The following LRP5 variants were observed in gnomAD, a reference collection of about 807,000 sequenced individuals.
The protein encoded by LRP5 is low-density lipoprotein receptor-related protein 5.
Under a neutral mutation model 154.1 loss-of-function variants are expected in LRP5, and 62 were observed. The observed-to-expected ratio is 0.40, with a 90% CI of 0.33 to 0.50. LRP5 has a LOEUF of 0.50. LRP5 is among the 20% of genes least tolerant of loss of function. The pLI, the probability that LRP5 is intolerant of heterozygous loss-of-function variation, is 0.55. For synonymous variants in LRP5, 966 were observed against 1,011.5 expected (o/e 0.96, Z 0.85); for missense variants, 1,915 against 2,336.7 (o/e 0.82, Z 3.72).
At chr11:68,339,797 G>A (rs927037445) in intron 1 of LRP5, among the ~76,000 whole-genome samples, 20 of 152,160 alleles carry the variant, frequency 1.3e-4, no homozygotes, top group Admixed American at 2.6e-4. Context: ...GTTAACATGC[G>A]TGTACCTGTA....
Position 68,348,028 on chromosome 11 carries a change from C to A in LRP5, c.273C>A (p.Tyr91Ter). The change falls in exon 2 of 23, where the codon TAC becomes TAA. Residue 91 changes from tyrosine to a stop codon, truncating the protein, a stop_gained. Coordinates refer to ENST00000294304, the MANE Select transcript of LRP5 (RefSeq NM_002335.4). LOFTEE classifies it high-confidence loss of function. ...GCGAGGAGGCCATCAAGCAGACCTA[C>A]CTGAACCAGACGGGGGCCGCCGTGC... is the stretch of plus-strand genomic sequence containing the variant. ...DVSEEAIKQT[Y>*]LNQTGAAVQN... 6.2e-7 allele frequency: 1 copy of A among 1,614,148 alleles called. No individual in the cohort carries two copies. Among genetic ancestry groups the A allele is most frequent in the Non-Finnish European group, 8.5e-7 (1 of 1,180,048 alleles).
intron 17 of LRP5, among the ~76,000 whole-genome samples, chr11:68,432,721 G>A (rs1303938687): frequency 6.6e-6 from 1 of 152,192 alleles, no homozygotes; most frequent in East Asian, 1.9e-4. Context: ...GCACAAAGTG[G>A]GAGGGAGGAG....
intron 5 of LRP5, among the ~76,000 whole-genome samples, chr11:68,368,987 G>A (rs1335696162): frequency 6.6e-5 from 10 of 151,656 alleles, no homozygotes; most frequent in Non-Finnish European, 1.5e-4. Flanking sequence ...ACAGGCGCCC[G>A]CTACTATGTC....
chr11:68,411,377 C>A, intron 10 of LRP5, 59 bp from the exon 11 acceptor site: 1 of 1,571,780 alleles, frequency 6.4e-7, no homozygotes, highest in Non-Finnish European at 8.7e-7. Flanking sequence ...CCCCGCCACC[C>A]ACTGTCCTGC....
intron 7 of LRP5, among the ~76,000 whole-genome samples, chr11:68,402,932 C>G (rs2098653406): frequency 6.6e-6 from 1 of 152,174 alleles, no homozygotes; most frequent in Non-Finnish European, 1.5e-5. Context: ...GCTCTATCAG[C>G]TGGGGACGTG....
intron 21 of LRP5, among the ~76,000 whole-genome samples, chr11:68,442,645 G>A (rs2098678788): frequency 1.3e-5 from 2 of 152,174 alleles, no homozygotes; most frequent in African/African-American, 4.8e-5. Context: ...GCCTTTTGCT[G>A]CTAACGATGT....
intron 8 of LRP5, among the ~76,000 whole-genome samples, chr11:68,405,580 G>A (rs1340942382): frequency 3.3e-5 from 5 of 152,114 alleles, no homozygotes; most frequent in African/African-American, 1.2e-4. Flanking sequence ...ACAAAAGGGT[G>A]CCTCCATGGG....
intron 13 of LRP5, among the ~76,000 whole-genome samples, chr11:68,421,196 G>C (rs1013655310): frequency 7.9e-5 from 12 of 151,972 alleles, no homozygotes; most frequent in Non-Finnish European, 1.6e-4. Flanking sequence ...CACTGCACTC[G>C]AGCCTGGGCA....
In LRP5 at chr11:68,326,085, C is replaced by T. The variant is rs553494487; in HGVS notation, c.91+13280C>T. Among the ~76,000 whole-genome samples the T allele has an allele frequency of 7.2e-5, 11 of 152,348 alleles. No individual in the cohort carries two copies. In the South Asian group the frequency reaches 1.2e-3, roughly 17 times the overall value. On this transcript the variant is annotated intron_variant, in intron 1 of 22. Transcript: ENST00000294304. ...CATGACAACGTGGAGCCTATTCAGT[C>T]GGTACCGAGTGTGCGTCCTTGCCTA...
chr11:68,435,683 T>TCTATG (rs961238407), intron 18 of LRP5, among the ~76,000 whole-genome samples: 7 of 152,150 alleles, frequency 4.6e-5, no homozygotes, highest in African/African-American at 9.7e-5. Flanking sequence ...TTTATTCTGT[T>TCTATG]CTATGCTATG....
At chr11:68,304,399 A>G in the LRP5 span, among the ~76,000 whole-genome samples, 1 of 152,214 alleles carries the variant, frequency 6.6e-6, no homozygotes, top group African/African-American at 2.4e-5. Flanking sequence ...ATGTCAGAGG[A>G]TGTATGAGAA....
chr11:68,313,272 A>G (rs2098590089), intron 1 of LRP5, among the ~76,000 whole-genome samples: 1 of 151,278 alleles, frequency 6.6e-6, no homozygotes, highest in Non-Finnish European at 1.5e-5. Context: ...TGCAGCGAGA[A>G]AGTTCTGAGC....
At chr11:68,445,825 G>A (rs1282461589) in intron 21 of LRP5, 4 of 457,142 alleles carry the variant, frequency 8.8e-6, no homozygotes, top group Non-Finnish European at 1.6e-5. Context: ...TTTGGGGCTG[G>A]TGCCAGCACA....
At chr11:68,324,270 C>T (rs1252659834) in intron 1 of LRP5, among the ~76,000 whole-genome samples, 1 of 152,258 alleles carries the variant, frequency 6.6e-6, no homozygotes, top group African/African-American at 2.4e-5. Flanking sequence ...TCTGTGACAG[C>T]ATATCACCCT....
At chr11:68,335,246 TA>T (rs940204616) in intron 1 of LRP5, among the ~76,000 whole-genome samples, 2 of 151,798 alleles carry the variant, frequency 1.3e-5, no homozygotes, top group Non-Finnish European at 2.9e-5. Flanking sequence ...CTGTCTGATT[TA>T]AAAAAATATA....
chr11:68,315,695 CAG>C (rs1174339995), intron 1 of LRP5, among the ~76,000 whole-genome samples: 1 of 152,236 alleles, frequency 6.6e-6, no homozygotes, highest in African/African-American at 2.4e-5. Flanking sequence ...CCCCTGCGGG[CAG>C]AGCTTCCCAT....
At chr11:68,324,668 A>G (rs1324875521) in intron 1 of LRP5, among the ~76,000 whole-genome samples, 1 of 152,258 alleles carries the variant, frequency 6.6e-6, no homozygotes, top group African/African-American at 2.4e-5. Context: ...AATGACGTTT[A>G]TTAAGCAACA....
At chr11:68,415,863 T>C (rs7947926) in intron 12 of LRP5, among the ~76,000 whole-genome samples, 27,463 of 69,812 alleles carry the variant, frequency 0.39, 12,582 homozygotes, top group East Asian at 0.91. Context: ...GAGACCATCC[T>C]GGCTAACACG....
intron 7 of LRP5, among the ~76,000 whole-genome samples, chr11:68,391,982 C>T (rs1218883821): frequency 1.3e-4 from 20 of 152,144 alleles, no homozygotes; most frequent in Admixed American, 1.2e-3. Flanking sequence ...GCTGGGACTA[C>T]AGACACATAC....
Sources: gnomAD v4.1 joint callset for allele counts (sites outside exome capture counted in the v4.1 genomes callset) on GRCh38, gnomAD v4.1.1 for gene constraint, MANE v1.5 for transcripts, NCBI Gene and HGNC (gene_info 2026-07-23, HGNC 2026-07-21) for gene names.